Variants in KCNH1 observed in about 807,000 individuals in gnomAD.
The protein encoded by KCNH1 is voltage-gated delayed rectifier potassium channel KCNH1.
KCNH1 carries 27 observed loss-of-function variants against 69.2 expected under a neutral mutation model. That is an observed-to-expected ratio of 0.39 (90% confidence interval 0.29 to 0.54). The LOEUF (loss-of-function observed/expected upper bound fraction) is 0.54, where lower values mean the gene tolerates loss of function less well. KCNH1 is among the 20% of genes least tolerant of loss of function. The pLI is 0.68. For missense variants in KCNH1, 798 were observed against 1,261.6 expected (o/e 0.63, Z 5.57); for synonymous variants, 456 against 487.7 (o/e 0.93, Z 0.86).
At chr1:210,920,890 A>G (rs2102562987) in intron 6 of KCNH1, among the ~76,000 whole-genome samples, 1 of 152,276 alleles carries the variant, frequency 6.6e-6, no homozygotes, top group African/African-American at 2.4e-5. Flanking sequence ...TTCTGATTTC[A>G]CCTGGTCAAG....
At chr1:210,747,379 A>G (rs1386142932) in intron 10 of KCNH1, among the ~76,000 whole-genome samples, 2 of 151,980 alleles carry the variant, frequency 1.3e-5, no homozygotes, top group African/African-American at 4.8e-5. Context: ...AGTGAGGGTC[A>G]CACACTTCAG....
chr1:210,860,710 A>G (rs1261831582), intron 7 of KCNH1: 1 of 777,392 alleles, frequency 1.3e-6, no homozygotes. Context: ...ATTGCTGATA[A>G]ATACTTGAAG....
At chr1:210,759,177 A>ACACG (rs1553341198) in intron 10 of KCNH1, among the ~76,000 whole-genome samples, 1 of 151,584 alleles carries the variant, frequency 6.6e-6, no homozygotes, top group Admixed American at 6.6e-5. Context: ...ACACACACAC[A>ACACG]TATTTTATAT....
intron 7 of KCNH1, among the ~76,000 whole-genome samples, chr1:210,879,539 A>T (rs1340048486): frequency 6.6e-6 from 1 of 152,104 alleles, no homozygotes; most frequent in Non-Finnish European, 1.5e-5. Context: ...AGAAAAAAGC[A>T]TATGACAAAA....
At chr1:210,715,106 G>T (rs1042914201) in intron 10 of KCNH1, among the ~76,000 whole-genome samples, 5 of 152,178 alleles carry the variant, frequency 3.3e-5, no homozygotes, top group African/African-American at 7.2e-5. Context: ...CCTGACAGCA[G>T]CAAAGACTCA....
chr1:211,114,960 GTTTGTTT>G (rs536459880), intron 1 of KCNH1, among the ~76,000 whole-genome samples: 1 of 151,858 alleles, frequency 6.6e-6, no homozygotes, highest in African/African-American at 2.4e-5. Context: ...TTTTTTGTTT[GTTTGTTT>G]TTTGTTTTTT....
At chr1:210,733,947 T>TCA (rs5780602) in intron 10 of KCNH1, among the ~76,000 whole-genome samples, 2,567 of 142,164 alleles carry the variant, frequency 0.018, 82 homozygotes, top group African/African-American at 0.063. Flanking sequence ...TGTCTGTCTG[T>TCA]CTCACACACA....
At chr1:210,886,256 T>C (rs1033726491) in intron 7 of KCNH1, among the ~76,000 whole-genome samples, 3 of 152,098 alleles carry the variant, frequency 2.0e-5, no homozygotes, top group Non-Finnish European at 4.4e-5. Context: ...GCAAACAGGG[T>C]CTGGAGTGGA....
intron 6 of KCNH1, among the ~76,000 whole-genome samples, chr1:210,933,069 G>C (rs1373395925): frequency 6.6e-6 from 1 of 152,140 alleles, no homozygotes; most frequent in Non-Finnish European, 1.5e-5. Flanking sequence ...TCTGTTATCA[G>C]CAAAAGGATC....
At chr1:211,055,609 C>T (rs748628969) in intron 5 of KCNH1, among the ~76,000 whole-genome samples, 37 of 152,304 alleles carry the variant, frequency 2.4e-4, no homozygotes, top group African/African-American at 8.7e-4. Context: ...TTGAGTCACT[C>T]CTCCCTCAAC....
In KCNH1 at chr1:211,133,967, G is replaced by A. The variant is rs1286006042; in HGVS notation, c.-22C>T. ...TCATCCTCCCAGCAGCTCGGGGTCC[G>A]GCGGGCGTCCTGGCGCGGCTTCTTA... On this transcript the variant is annotated 5_prime_UTR_variant, in exon 1 of 11. Coordinates refer to ENST00000271751, the MANE Select transcript of KCNH1 (RefSeq NM_172362.3). The surrounding 1 kb of genome is among the most constrained non-coding windows in gnomAD (Gnocchi z 5.4). 3 of 1,602,350 alleles carry A rather than the reference G, an allele frequency of 1.9e-6. No homozygotes were observed. The highest frequency in any genetic ancestry group is 3.4e-5 in the Admixed American group (2 of 58,920).
At chr1:211,075,977 T>C (rs1690725269) in intron 5 of KCNH1, among the ~76,000 whole-genome samples, 1 of 152,234 alleles carries the variant, frequency 6.6e-6, no homozygotes, top group Non-Finnish European at 1.5e-5. Flanking sequence ...CCTTGCTTAC[T>C]GCGAGCACAG....
chr1:210,684,154 G>C lies in KCNH1; in HGVS notation c.2113-16C>G. On this transcript the variant is annotated splice_polypyrimidine_tract_variant and intron_variant, in intron 10 of 10. Coordinates refer to ENST00000271751, the MANE Select transcript of KCNH1 (RefSeq NM_172362.3). ...GGAACACAATCTGGAGAGAGAGAGA[G>C]AGAGAATGACATGGCGTGTTAGCCA... 1.3e-6 allele frequency: 2 copies of C among 1,500,194 alleles called. No homozygotes were observed. The highest frequency in any genetic ancestry group is 1.8e-6 in the Non-Finnish European group (2 of 1,126,656). The allele number at this position is 1,500,194 out of a possible 1,614,324, so 92.9% of individuals were successfully genotyped here. A position where few individuals can be genotyped will look rare whatever the true frequency, so the allele number is the denominator to read the frequency against.
At position 210,701,158 on chromosome 1, in the gene KCNH1, C is replaced by T. The variant is rs9787396; in HGVS notation, c.2113-17020G>A. On this transcript the variant is annotated intron_variant, in intron 10 of 10. Coordinates refer to ENST00000271751, the MANE Select transcript of KCNH1 (RefSeq NM_172362.3). ...TTCACTGTGTTGGCCAGGATGGTCT[C>T]GATCTCCTGACCTTGTGATCTGCCC... Among the ~76,000 whole-genome samples, 290 of 152,078 alleles carry T rather than the reference C, an allele frequency of 1.9e-3. 3 individuals carry two copies. Among genetic ancestry groups the T allele is most frequent in the East Asian group, 9.7e-4 (5 of 5,166 alleles).
At chr1:210,983,686 A>G (rs967937304) in intron 6 of KCNH1, among the ~76,000 whole-genome samples, 1 of 152,114 alleles carries the variant, frequency 6.6e-6, no homozygotes, top group Non-Finnish European at 1.5e-5. Flanking sequence ...CTTGTAGTGT[A>G]GTTTGAAGTC....
intron 10 of KCNH1, among the ~76,000 whole-genome samples, chr1:210,766,520 G>A (rs571313264): frequency 1.3e-5 from 2 of 152,080 alleles, no homozygotes; most frequent in African/African-American, 4.8e-5. Flanking sequence ...ATTGAGGGGG[G>A]GTGGGGAGTT....
Position 210,985,533 on chromosome 1 carries a change from G to A in KCNH1, c.1032+33250C>T, listed in dbSNP as rs567743872. Among the ~76,000 whole-genome samples, 25 of 152,136 alleles carry A rather than the reference G, an allele frequency of 1.6e-4. No individual in the cohort carries two copies. The South Asian group carries it at 3.5e-3, about 21-fold the overall frequency. Reference sequence around the variant, plus strand: ...ACATCTTTATTTCTGCCTTCATTTCGTTATGTACCCAGTAGTCATTCAGGA... The same window carrying A: ...ACATCTTTATTTCTGCCTTCATTTCATTATGTACCCAGTAGTCATTCAGGA... On this transcript the variant is annotated intron_variant, in intron 6 of 10. Transcript: ENST00000271751.
intron 5 of KCNH1, among the ~76,000 whole-genome samples, chr1:211,035,105 C>T (rs146935946): frequency 6.6e-6 from 1 of 152,214 alleles, no homozygotes. Flanking sequence ...ATTCCTACAA[C>T]ATGTATTCAA....
rs186361043 is a variant in KCNH1, at chr1:210,803,083, A to G, written c.1662+884T>C. Reference sequence around the variant, plus strand: ...ATTTCACAGATCTGGGATGGAGGCTAGGATTGTTTTTAGTAATGACATCAT... The same window carrying G: ...ATTTCACAGATCTGGGATGGAGGCTGGGATTGTTTTTAGTAATGACATCAT... On this transcript the variant is annotated intron_variant, in intron 8 of 10. Transcript: ENST00000271751. Among the ~76,000 whole-genome samples the G allele has an allele frequency of 5.7e-3, 875 of 152,216 alleles. 9 individuals are homozygous for G. The highest frequency in any genetic ancestry group is 0.02 in the African/African-American group (829 of 41,540).
Sources: allele counts gnomAD v4.1 joint callset (sites outside exome capture counted in the v4.1 genomes callset), GRCh38; gene constraint gnomAD v4.1.1; non-coding constraint Gnocchi (gnomAD v3.1); transcripts MANE v1.5; gene names NCBI Gene and HGNC (gene_info 2026-07-23, HGNC 2026-07-21).